The following DCHS2 variants were observed in gnomAD, a reference collection of about 807,000 sequenced individuals.
DCHS2 encodes the protein dachsous cadherin-related 2, also known as protocadherin-23.
DCHS2 carries 142 observed loss-of-function variants against 182.4 expected under a neutral mutation model. The ratio of observed to expected loss-of-function variants is 0.78; its 90% CI spans 0.68 to 0.89. DCHS2 has a LOEUF of 0.89. DCHS2 is among the 40% of genes least tolerant of loss of function. DCHS2 has a pLI of 0.00. For synonymous variants in DCHS2, 1,740 were observed against 1,663.3 expected (o/e 1.05, Z -1.12); for missense variants, 4,319 against 4,198.6 (o/e 1.03, Z -0.79).
At position 154,320,688 on chromosome 4, in the gene DCHS2, T is replaced by C. The variant is rs1736024157; in HGVS notation, c.4711A>G (p.Thr1571Ala). 6.2e-7 allele frequency: 1 copy of C among 1,613,976 alleles called. No homozygotes were observed. The highest frequency in any genetic ancestry group is 1.3e-5 in the African/African-American group (1 of 74,910). The change falls in exon 9 of 20, where the codon ACT becomes GCT. Residue 1571 changes from threonine to alanine, a missense_variant. Physicochemically the swap from Thr to Ala is moderately conservative, Grantham distance 58. Coordinates refer to ENST00000357232, the MANE Select transcript of DCHS2 (RefSeq NM_001358235.2). ...CTTTCTCTGTCAAGACGGGACACAG[T>C]GACTAGTGTGCCAAATGAGGGGTGG... ...LIHPSFGTLV[T>A]VSRLDRESIP...
At chr4:154,422,662 C>T (rs1231078750) in intron 1 of DCHS2, among the ~76,000 whole-genome samples, 1 of 152,174 alleles carries the variant, frequency 6.6e-6, no homozygotes, top group Admixed American at 6.5e-5. Flanking sequence ...GCATAAAAAT[C>T]AAAGTCTTCT....
chr4:154,489,602 G>C lies in DCHS2; in HGVS notation c.1754C>G (p.Ala585Gly). The C allele has an allele frequency of 5.8e-6, 9 of 1,550,686 alleles. No individual in the cohort carries two copies. The highest frequency in any genetic ancestry group is 1.2e-5 in the South Asian group (1 of 84,044). Residue 585 changes from alanine to glycine, a missense_variant, in exon 1 of 20, where the codon GCT (alanine) becomes GGT (glycine). Coordinates refer to ENST00000357232, the MANE Select transcript of DCHS2 (RefSeq NM_001358235.2). ...WLRYTVVQLS[A>G]PCNLGSLQSK... is the part of the protein sequence containing the mutation. ...TTGCAGGGAGCCGAGATTGCAGGGA[G>C]CCGAGAGTTGGACTACAGTGTAGCG...
In DCHS2 at chr4:154,490,770, C is replaced by A. The variant is rs1420470850; in HGVS notation, c.586G>T (p.Ala196Ser). The change falls in exon 1 of 20, where the codon GCC becomes TCC. Residue 196 changes from alanine (A) to serine (S), a missense_variant. By Grantham distance (99) the Ala-to-Ser change is moderately conservative (BLOSUM62 1). Coordinates refer to ENST00000357232, the MANE Select transcript of DCHS2 (RefSeq NM_001358235.2). Reference sequence around the variant, plus strand: ...TAGCCCTGAGTGCTGAACAGTCCGGCGTCCGGATCGTGGGCAACTGGCAGG... The same window carrying A: ...TAGCCCTGAGTGCTGAACAGTCCGGAGTCCGGATCGTGGGCAACTGGCAGG... ...FRLPVAHDPD[A>S]GLFSTQGYTL... 1.3e-6 allele frequency: 2 copies of A among 1,551,590 alleles called. No individual in the cohort carries two copies. Among genetic ancestry groups the A allele is most frequent in the Middle Eastern group, 1.7e-4 (1 of 5,992 alleles).
At position 154,240,621 on chromosome 4, in the gene DCHS2, T is replaced by C. The variant is rs1284979688; in HGVS notation, c.7275A>G (p.Ser2425=). Residue 2425 remains serine, a synonymous_variant, in exon 18 of 20, where the codon TCA becomes TCG. Coordinates refer to ENST00000357232, the MANE Select transcript of DCHS2 (RefSeq NM_001358235.2). The part of the protein sequence containing the change: ...EYELLIQISD[S]VHYTEGALVV... ...CAAGTGCTCCCTCTGTGTAGTGCACTGAATCAGAAATTTGGATGAGCAGCT... is the reference window on the plus strand; with the variant it reads ...CAAGTGCTCCCTCTGTGTAGTGCACCGAATCAGAAATTTGGATGAGCAGCT... 3 of 1,613,976 alleles carry C rather than the reference T, an allele frequency of 1.9e-6. No homozygotes were observed. Among genetic ancestry groups the C allele is most frequent in the Admixed American group, 1.7e-5 (1 of 59,996 alleles).
Position 154,298,136 on chromosome 4 carries a change from C to A in DCHS2, c.6178G>T (p.Val2060Leu). Residue 2060 changes from valine (V) to leucine (L), a missense_variant, in exon 13 of 20, where the codon GTG (valine) becomes TTG (leucine). Val to Leu is a conservative substitution (Grantham distance 32, BLOSUM62 1). Transcript: ENST00000357232. Reference protein sequence around the residue: ...ESPTNQTTVIVRADDLDLGPN... With the variant: ...ESPTNQTTVILRADDLDLGPN... Reference sequence around the variant, plus strand: ...CCCAAGTCCAGGTCATCAGCTCTCACAATGACAGTTGTCTGGTTTGTAGGC... The same window carrying A: ...CCCAAGTCCAGGTCATCAGCTCTCAAAATGACAGTTGTCTGGTTTGTAGGC... 1.9e-6 allele frequency: 3 copies of A among 1,614,100 alleles called. No individual in the cohort carries two copies. Among genetic ancestry groups the A allele is most frequent in the Non-Finnish European group, 2.5e-6 (3 of 1,180,016 alleles).
chr4:154,328,881 G>T, intron 6 of DCHS2, among the ~76,000 whole-genome samples: 1 of 152,108 alleles, frequency 6.6e-6, no homozygotes, highest in East Asian at 1.9e-4. Context: ...TAATTCAATT[G>T]TTCTGGAACA....
intron 5 of DCHS2, among the ~76,000 whole-genome samples, chr4:154,331,877 T>G (rs2111360733): frequency 6.6e-6 from 1 of 152,340 alleles, no homozygotes; most frequent in Non-Finnish European, 1.5e-5. Context: ...AACATAAATT[T>G]TAAAATATAG....
intron 9 of DCHS2, among the ~76,000 whole-genome samples, chr4:154,319,500 T>TAAAATGGAC (rs1158042505): frequency 2.0e-5 from 3 of 151,466 alleles, no homozygotes; most frequent in African/African-American, 7.3e-5. Context: ...ACCCTAATTT[T>TAAAATGGAC]AAAATGGACA....
chr4:154,343,329 C>G (rs1338836508), intron 3 of DCHS2: 2 of 735,086 alleles, frequency 2.7e-6, no homozygotes, highest in Non-Finnish European at 3.9e-6. Flanking sequence ...TAGCCCCTAA[C>G]AAGAGAGTCA....
At chr4:154,328,419 A>T (rs1208044731) in intron 6 of DCHS2, among the ~76,000 whole-genome samples, 2 of 152,212 alleles carry the variant, frequency 1.3e-5, no homozygotes, top group Non-Finnish European at 2.9e-5. Context: ...TATCTGAGGC[A>T]TCTGAACTAA....
chr4:154,365,815 ATT>A (rs573608217), intron 3 of DCHS2, among the ~76,000 whole-genome samples: 2 of 143,694 alleles, frequency 1.4e-5, no homozygotes, highest in Non-Finnish European at 1.5e-5. Context: ...CGTCCGGCTA[ATT>A]TTTTTTTTTT....
intron 7 of DCHS2, among the ~76,000 whole-genome samples, chr4:154,325,803 G>A (rs1027654810): frequency 4.6e-5 from 7 of 152,196 alleles, no homozygotes; most frequent in African/African-American, 1.7e-4. Flanking sequence ...GAAGAATTTG[G>A]CTCCCTGACC....
intron 13 of DCHS2, among the ~76,000 whole-genome samples, chr4:154,292,727 T>C (rs1057470629): frequency 1.3e-5 from 2 of 152,146 alleles, no homozygotes; most frequent in African/African-American, 4.8e-5. Flanking sequence ...CCCCAGAACA[T>C]CTCAGGTAAT....
intron 2 of DCHS2, 90 bp downstream of exon 2, chr4:154,377,163 A>C: frequency 7.8e-7 from 1 of 1,286,378 alleles, no homozygotes; most frequent in South Asian, 1.5e-5. Flanking sequence ...AGAATGACCC[A>C]ATTGTTGATC....
At chr4:154,260,592 GT>G in intron 14 of DCHS2, among the ~76,000 whole-genome samples, 1 of 152,248 alleles carries the variant, frequency 6.6e-6, no homozygotes, top group Middle Eastern at 3.4e-3. Flanking sequence ...CACGCATGCG[GT>G]TCCATCAGCC....
At chr4:154,485,843 G>A (rs1241342854) in intron 1 of DCHS2, among the ~76,000 whole-genome samples, 1 of 152,232 alleles carries the variant, frequency 6.6e-6, no homozygotes, top group East Asian at 1.9e-4. Context: ...GATAAAAGCT[G>A]CAAATGCAGC....
intron 1 of DCHS2, among the ~76,000 whole-genome samples, chr4:154,453,810 C>A (rs1442673636): frequency 6.6e-6 from 1 of 152,178 alleles, no homozygotes; most frequent in Non-Finnish European, 1.5e-5. Flanking sequence ...ATCATGGAGG[C>A]TGAACCTCAG....
At chr4:154,339,532 C>G (rs528194357) in intron 3 of DCHS2, among the ~76,000 whole-genome samples, 1 of 151,950 alleles carries the variant, frequency 6.6e-6, no homozygotes, top group South Asian at 2.1e-4. Context: ...TCACTGCAAC[C>G]TCTGCCTCCT....
chr4:154,474,380 C>A (rs1735600795), intron 1 of DCHS2, among the ~76,000 whole-genome samples: 1 of 152,100 alleles, frequency 6.6e-6, no homozygotes, highest in African/African-American at 2.4e-5. Flanking sequence ...AGTGTGGTGT[C>A]CCCCAGAAAA....
Sources: gnomAD v4.1 joint callset for allele counts (sites outside exome capture counted in the v4.1 genomes callset) on GRCh38, gnomAD v4.1.1 for gene constraint, MANE v1.5 for transcripts, NCBI Gene and HGNC (gene_info 2026-07-23, HGNC 2026-07-21) for gene names.